The following PPP1R9A variants were observed in gnomAD, a reference collection of about 807,000 sequenced individuals.
The protein encoded by PPP1R9A is protein phosphatase 1 regulatory subunit 9A.
In PPP1R9A, 59 loss-of-function variants were observed where a neutral mutation model predicts 141.9. That is an observed-to-expected ratio of 0.42 (90% CI 0.34 to 0.52). The LOEUF is 0.52. Ranked by LOEUF, PPP1R9A falls within the 20% of genes least tolerant of loss-of-function variation. The pLI is 0.10. For missense variants in PPP1R9A, 1,444 were observed against 1,611.9 expected (o/e 0.90, Z 1.78); for synonymous variants, 500 against 569.7 (o/e 0.88, Z 1.74).
chr7:95,277,593 C>T (rs1216364636), intron 16 of PPP1R9A, among the ~76,000 whole-genome samples: 1 of 151,742 alleles, frequency 6.6e-6, no homozygotes, highest in Non-Finnish European at 1.5e-5. Context: ...CCATGTCCAG[C>T]TTAAAAAAAA....
At chr7:95,210,051 G>T (rs987946584) in intron 7 of PPP1R9A, among the ~76,000 whole-genome samples, 1 of 152,078 alleles carries the variant, frequency 6.6e-6, no homozygotes, top group Non-Finnish European at 1.5e-5. Flanking sequence ...TTGGTCTGTC[G>T]ACCGTTTAGT....
At position 94,910,694 on chromosome 7, in the gene PPP1R9A, G is replaced by C; in HGVS notation, c.581G>C (p.Arg194Pro). 6 of 1,614,124 alleles carry C rather than the reference G, an allele frequency of 3.7e-6. No individual in the cohort carries two copies. Among genetic ancestry groups the C allele is most frequent in the Non-Finnish European group, 4.2e-6 (5 of 1,180,014 alleles). ...GATTCCTTGGACAGCCTTAGCTCCC[G>C]AACTGAGGCTGTCTCCCCAACTGTG... ...STDSLDSLSS[R>P]TEAVSPTVSQ... Residue 194 changes from arginine (R) to proline (P), a missense_variant, in exon 2 of 20, where the codon CGA becomes CCA. Physicochemically the swap from Arg to Pro is moderately radical, Grantham distance 103 (BLOSUM62 -2). Transcript: ENST00000433360. This position sits in a 1 kb window ranked among gnomAD's most constrained non-coding sequence, Gnocchi z 4.5.
At chr7:95,188,685 G>A (rs1835020971) in intron 5 of PPP1R9A, among the ~76,000 whole-genome samples, 1 of 149,206 alleles carries the variant, frequency 6.7e-6, no homozygotes, top group Non-Finnish European at 1.5e-5. Context: ...TGTAACCTCT[G>A]CCTCCTGGGT....
chr7:94,971,923 A>T (rs1798896649), intron 2 of PPP1R9A, among the ~76,000 whole-genome samples: 1 of 152,078 alleles, frequency 6.6e-6, no homozygotes, highest in South Asian at 2.1e-4. Context: ...TTCCTTTAAA[A>T]CCTGATTTAA....
At chr7:94,985,117 T>C (rs1800645565) in intron 2 of PPP1R9A, among the ~76,000 whole-genome samples, 1 of 152,202 alleles carries the variant, frequency 6.6e-6, no homozygotes, top group African/African-American at 2.4e-5. Flanking sequence ...GAGCAGATTG[T>C]TCAGTTTCCA....
intron 2 of PPP1R9A, among the ~76,000 whole-genome samples, chr7:94,998,644 A>G (rs77540483): frequency 0.013 from 2,052 of 152,292 alleles, 51 homozygotes; most frequent in African/African-American, 0.047. Flanking sequence ...CAATCTTGGA[A>G]TAGTTTATAT....
intron 7 of PPP1R9A, among the ~76,000 whole-genome samples, chr7:95,211,730 G>A (rs1792173337): frequency 6.6e-6 from 1 of 152,086 alleles, no homozygotes; most frequent in South Asian, 2.1e-4. Flanking sequence ...CTCACACCTG[G>A]AATTTCAATA....
chr7:95,228,530 A>T lies in PPP1R9A; in HGVS notation c.2112+2414A>T, dbSNP rs1585355479. 2.0e-5 allele frequency among the ~76,000 whole-genome samples: 3 copies of T among 152,274 alleles called. No individual in the cohort carries two copies. The East Asian group carries it at 5.8e-4, about 29-fold the overall frequency. On this transcript the variant is annotated intron_variant, in intron 8 of 19. Transcript: ENST00000433360. The stretch of plus-strand genomic sequence containing the variant: ...TGTGCCTTTACCTTCTGAACTGCTT[A>T]TGGCTTCATAGTCTGCTCCATCTTC...
chr7:95,143,132 A>G (rs915353821), intron 4 of PPP1R9A, among the ~76,000 whole-genome samples: 3 of 152,084 alleles, frequency 2.0e-5, no homozygotes, highest in African/African-American at 7.2e-5. Flanking sequence ...AGTTACTTGT[A>G]TTTTATATAG....
chr7:94,970,090 G>A (rs1334056789), intron 2 of PPP1R9A, among the ~76,000 whole-genome samples: 1 of 152,128 alleles, frequency 6.6e-6, no homozygotes, highest in Non-Finnish European at 1.5e-5. Flanking sequence ...GGGCTCCATG[G>A]GGGTGGGATC....
chr7:94,971,623 A>G (rs890714334), intron 2 of PPP1R9A, among the ~76,000 whole-genome samples: 2 of 152,128 alleles, frequency 1.3e-5, no homozygotes, highest in East Asian at 1.9e-4. Context: ...AACCCTCTGT[A>G]TGGGTCAGTC....
Position 95,290,558 on chromosome 7 carries a change from T to C in PPP1R9A, c.*255T>C. On this transcript the variant is annotated 3_prime_UTR_variant, in exon 20 of 20. Coordinates refer to ENST00000433360, the MANE Select transcript of PPP1R9A (RefSeq NM_001166160.2). ...TTTCATTTAAGTAGCTGTGTTTTGC[T>C]CTTCTCTAACTTACCAACATCTTGT... 2.3e-6 allele frequency: 1 copy of C among 432,772 alleles called. No individual in the cohort carries two copies. The highest frequency in any genetic ancestry group is 4.2e-5 in the East Asian group (1 of 24,004). The allele number at this position is 432,772 out of a possible 1,614,324, so 26.8% of individuals were successfully genotyped here. A position where few individuals can be genotyped will look rare whatever the true frequency, so the allele number is the denominator to read the frequency against.
chr7:95,226,832 C>G (rs1340965684), intron 8 of PPP1R9A, among the ~76,000 whole-genome samples: 1 of 152,116 alleles, frequency 6.6e-6, no homozygotes, highest in African/African-American at 2.4e-5. Flanking sequence ...AAGAATAGAA[C>G]CTTGGGAGAG....
intron 2 of PPP1R9A, among the ~76,000 whole-genome samples, chr7:95,049,623 T>C (rs1307715214): frequency 6.6e-6 from 1 of 152,186 alleles, no homozygotes; most frequent in Non-Finnish European, 1.5e-5. Context: ...TAATGACATA[T>C]ATCCACATCA....
chr7:95,226,267 A>C, intron 8 of PPP1R9A, 151 bp downstream of exon 8: 1 of 768,094 alleles, frequency 1.3e-6, no homozygotes, highest in Non-Finnish European at 1.9e-6. Flanking sequence ...TTCAAGTAGA[A>C]TTTAAGTAGA....
chr7:94,940,133 C>T (rs758776646), intron 2 of PPP1R9A, among the ~76,000 whole-genome samples: 26 of 151,958 alleles, frequency 1.7e-4, no homozygotes, highest in Non-Finnish European at 3.7e-4. Flanking sequence ...ATTAATTAAA[C>T]CCCTATAATG....
At chr7:95,154,285 A>G (rs957708615) in intron 4 of PPP1R9A, among the ~76,000 whole-genome samples, 1 of 152,054 alleles carries the variant, frequency 6.6e-6, no homozygotes, top group African/African-American at 2.4e-5. Flanking sequence ...GTGTTTGTTC[A>G]GGAGCATAGT....
At chr7:94,999,407 G>T (rs903008109) in intron 2 of PPP1R9A, among the ~76,000 whole-genome samples, 3 of 152,184 alleles carry the variant, frequency 2.0e-5, no homozygotes, top group East Asian at 3.8e-4. Context: ...GGACAGGCAG[G>T]ATAGATACAG....
At chr7:95,225,358 A>G (rs1256774756) in intron 7 of PPP1R9A, among the ~76,000 whole-genome samples, 1 of 152,188 alleles carries the variant, frequency 6.6e-6, no homozygotes, top group Non-Finnish European at 1.5e-5. Context: ...CAGAATACTC[A>G]GATTTGTAAA....
Sources: gnomAD v4.1 joint callset for allele counts (sites outside exome capture counted in the v4.1 genomes callset) on GRCh38, gnomAD v4.1.1 for gene constraint, Gnocchi (gnomAD v3.1) non-coding constraint, MANE v1.5 for transcripts, NCBI Gene and HGNC (gene_info 2026-07-23, HGNC 2026-07-21) for gene names.